ANKAR: variants seen among roughly 807,000 people sequenced by gnomAD.
ANKAR encodes ankyrin and armadillo repeat-containing protein.
In ANKAR, 136 loss-of-function variants were observed where a neutral mutation model predicts 146.2. The observed-to-expected ratio is 0.93, with a 90% confidence interval of 0.81 to 1.07. The LOEUF is 1.07. ANKAR is among the 50% of genes least tolerant of loss of function. The probability of loss-of-function intolerance (pLI) is 0.00; values close to 1 mark genes in which losing one functional copy is unlikely to be tolerated. For synonymous variants in ANKAR, 500 were observed against 575.8 expected (o/e 0.87, Z 1.88); for missense variants, 1,567 against 1,679.9 (o/e 0.93, Z 1.18).
At chr2:189,744,324 G>A (rs2043757574) in intron 21 of ANKAR, among the ~76,000 whole-genome samples, 1 of 152,106 alleles carries the variant, frequency 6.6e-6, no homozygotes, top group South Asian at 2.1e-4. Flanking sequence ...CATTATAATT[G>A]ATAATTCTAA....
chr2:189,717,653 C>T (rs999866539), intron 10 of ANKAR, among the ~76,000 whole-genome samples: 2 of 152,150 alleles, frequency 1.3e-5, no homozygotes, highest in African/African-American at 4.8e-5. Context: ...TTTACTGTGG[C>T]ACTATTCACA....
chr2:189,741,409 A>C lies in ANKAR; in HGVS notation c.3768A>C (p.Thr1256=), dbSNP rs140197502. The part of the protein sequence containing the change: ...GIPEAFTTLG[T]IQRLCYHLYS... ...CAGAAGCATTTACCACATTAGGAAC[A>C]ATCCAACGGCTCTGCTATCATTTGT... is the stretch of plus-strand genomic sequence containing the variant. The change falls in exon 20 of 23, where the codon ACA becomes ACC. Residue 1256 remains threonine, a synonymous_variant. Coordinates refer to ENST00000684021, the MANE Select transcript of ANKAR (RefSeq NM_001378068.1). 350 of 1,612,006 alleles carry C rather than the reference A, an allele frequency of 2.2e-4. 2 individuals carry two copies. In the East Asian group the frequency reaches 7.3e-3, roughly 34 times the overall value.
At chr2:189,688,193 T>A (rs2035882437) in intron 2 of ANKAR, among the ~76,000 whole-genome samples, 1 of 152,186 alleles carries the variant, frequency 6.6e-6, no homozygotes. Flanking sequence ...TATCCAGTTT[T>A]CCCAGTGCCA....
downstream of ANKAR, among the ~76,000 whole-genome samples, chr2:189,747,692 C>T (rs933224892): frequency 5.9e-5 from 9 of 151,934 alleles, no homozygotes; most frequent in Admixed American, 3.3e-4. Flanking sequence ...TACTTACTTA[C>T]TTATTTATTT....
At chr2:189,699,302 G>A (rs1001973751) in intron 7 of ANKAR, among the ~76,000 whole-genome samples, 2 of 152,204 alleles carry the variant, frequency 1.3e-5, no homozygotes, top group African/African-American at 4.8e-5. Flanking sequence ...GACCCCTCAT[G>A]ATTAATGCTC....
At chr2:189,749,701 ATTT>A (rs145998600), downstream of ANKAR, among the ~76,000 whole-genome samples, 11,923 of 152,230 alleles carry the variant, frequency 0.078, 647 homozygotes, top group Non-Finnish European at 0.12. Context: ...AATTATATAG[ATTT>A]TAAAAAATGC....
rs150297860 is a variant in ANKAR, at chr2:189,705,194, C to G, written c.1880C>G (p.Pro627Arg). 8 of 1,613,860 alleles carry G rather than the reference C, an allele frequency of 5.0e-6. No homozygotes were observed. In the African/African-American group the frequency reaches 1.1e-4, roughly 22 times the overall value. Residue 627 changes from proline to arginine, a missense_variant, in exon 8 of 23, where the codon CCT (proline) becomes CGT (arginine). By Grantham distance (103) the Pro-to-Arg change is moderately radical. Transcript: ENST00000684021. ...ATTATTGCTCTCTGTAGGAAGGATC[C>G]TAGTTTGCTAGAAGCTGAGGCAACA... is the stretch of plus-strand genomic sequence containing the variant. ...CIIIALCRKD[P>R]SLLEAEATAE...
intron 2 of ANKAR, among the ~76,000 whole-genome samples, chr2:189,684,376 C>G (rs975853900): frequency 1.3e-5 from 2 of 152,036 alleles, no homozygotes. Context: ...CAGAAAAATA[C>G]TTTGTATTTT....
chr2:189,704,619 A>G (rs532097932), intron 7 of ANKAR, among the ~76,000 whole-genome samples: 1 of 130,402 alleles, frequency 7.7e-6, no homozygotes, highest in East Asian at 2.3e-4. Context: ...AAAGGATCTT[A>G]TCTTCAACTA....
chr2:189,687,883 G>A (rs2035844046), intron 2 of ANKAR, among the ~76,000 whole-genome samples: 1 of 152,130 alleles, frequency 6.6e-6, no homozygotes. Flanking sequence ...TAGATAGTTT[G>A]CAAATATTTT....
intron 2 of ANKAR, among the ~76,000 whole-genome samples, chr2:189,689,003 C>G (rs575179107): frequency 6.6e-6 from 1 of 152,224 alleles, no homozygotes; most frequent in South Asian, 2.1e-4. Flanking sequence ...GGCCGTAATT[C>G]TTTTAAAATT....
chr2:189,678,662 ACCATTTGTTGAATAAGGGTGC>A (rs1302559707), intron 2 of ANKAR, among the ~76,000 whole-genome samples: 2 of 152,156 alleles, frequency 1.3e-5, no homozygotes, highest in African/African-American at 4.8e-5. Flanking sequence ...TTATCCCAGC[ACCATTTGTTGAATAAGGGTGC>A]CCTTTCCCCA....
chr2:189,709,049 C>T (rs115879278), intron 9 of ANKAR, among the ~76,000 whole-genome samples: 1,582 of 152,008 alleles, frequency 0.01, 36 homozygotes, highest in African/African-American at 0.036. Flanking sequence ...TGCAGTGAAC[C>T]GAGATCGTGC....
chr2:189,694,404 T>G (rs971474341), intron 5 of ANKAR, among the ~76,000 whole-genome samples: 3 of 152,110 alleles, frequency 2.0e-5, no homozygotes, highest in African/African-American at 7.2e-5. Context: ...GGTCGCCGTT[T>G]TCCCTCACCT....
At chr2:189,744,390 A>T (rs911002756) in intron 21 of ANKAR, among the ~76,000 whole-genome samples, 9 of 152,228 alleles carry the variant, frequency 5.9e-5, no homozygotes, top group Admixed American at 1.3e-4. Context: ...TATTTTACAC[A>T]GTCACTCCCA....
intron 5 of ANKAR, among the ~76,000 whole-genome samples, chr2:189,694,339 T>C (rs2036877345): frequency 6.6e-6 from 1 of 152,146 alleles, no homozygotes; most frequent in African/African-American, 2.4e-5. Context: ...AGCTGAAGTA[T>C]TCACCGCTGA....
At chr2:189,755,207 G>A in intron 18 of ANKAR, 1 of 1,611,752 alleles carries the variant, frequency 6.2e-7, no homozygotes, top group South Asian at 1.1e-5. Context: ...TATGTCCAAA[G>A]ACTTTCCAAG....
intron 18 of ANKAR, among the ~76,000 whole-genome samples, chr2:189,760,285 C>T (rs538770953): frequency 1.5e-4 from 23 of 152,264 alleles, no homozygotes; most frequent in Non-Finnish European, 3.1e-4. Context: ...ACCTCCCAGA[C>T]GGGGTGGCAG....
chr2:189,680,847 T>C (rs373668318), intron 2 of ANKAR, among the ~76,000 whole-genome samples: 4 of 152,182 alleles, frequency 2.6e-5, no homozygotes, highest in African/African-American at 9.6e-5. Context: ...TTTTGTGACC[T>C]ATCATATGAT....
Sources: gnomAD v4.1 joint callset for allele counts (sites outside exome capture counted in the v4.1 genomes callset) on GRCh38, gnomAD v4.1.1 for gene constraint, MANE v1.5 for transcripts, NCBI Gene and HGNC (gene_info 2026-07-23, HGNC 2026-07-21) for gene names.